TAF3: variants seen among roughly 807,000 people sequenced by gnomAD.
TAF3 encodes transcription initiation factor TFIID subunit 3.
In TAF3, 7 loss-of-function variants were observed where a neutral mutation model predicts 80.6. That is an observed-to-expected ratio of 0.09 (90% CI 0.05 to 0.16). The LOEUF is 0.16. Ranked by LOEUF, TAF3 falls within the 10% of genes least tolerant of loss-of-function variation. The pLI is 1.00. For missense variants in TAF3, 921 were observed against 1,140.2 expected, an observed-to-expected ratio of 0.81 and a Z score of 2.77; for synonymous variants, 444 against 446.1, an observed-to-expected ratio of 1.00 and a Z score of 0.06.
At chr10:7,950,400 C>G (rs1588563072) in intron 2 of TAF3, among the ~76,000 whole-genome samples, 1 of 152,044 alleles carries the variant, frequency 6.6e-6, no homozygotes, top group East Asian at 1.9e-4. Context: ...GTGTCTCGAG[C>G]AGAAAGTTCC....
intron 4 of TAF3, among the ~76,000 whole-genome samples, chr10:7,984,057 T>C (rs950824172): frequency 7.9e-5 from 12 of 152,014 alleles, no homozygotes; most frequent in African/African-American, 2.4e-4. Flanking sequence ...GCAACAAAGG[T>C]TGTGAGTTTG....
intron 4 of TAF3, among the ~76,000 whole-genome samples, chr10:7,978,548 C>T (rs1225652264): frequency 2.0e-5 from 3 of 152,148 alleles, no homozygotes. Context: ...CTAGGAAATG[C>T]AGCAAAAATC....
intron 2 of TAF3, among the ~76,000 whole-genome samples, chr10:7,921,615 A>C (rs1306706938): frequency 1.3e-5 from 2 of 152,176 alleles, no homozygotes; most frequent in Non-Finnish European, 2.9e-5. Flanking sequence ...ATTTGTGTGA[A>C]TCTATATTGA....
chr10:7,981,070 C>A (rs1831721199), intron 4 of TAF3, among the ~76,000 whole-genome samples: 1 of 152,154 alleles, frequency 6.6e-6, no homozygotes, highest in African/African-American at 2.4e-5. Flanking sequence ...TTCTATAAAG[C>A]TCAAATTCAG....
At chr10:7,953,214 G>A (rs533307743) in intron 2 of TAF3, among the ~76,000 whole-genome samples, 13 of 152,286 alleles carry the variant, frequency 8.5e-5, no homozygotes, top group African/African-American at 2.4e-4. Context: ...TCAAAAAGTA[G>A]GGTAGAGTTG....
chr10:7,843,421 T>A (rs1836938755), intron 2 of TAF3, among the ~76,000 whole-genome samples: 1 of 152,220 alleles, frequency 6.6e-6, no homozygotes, highest in Non-Finnish European at 1.5e-5. Context: ...CAGTCATCTT[T>A]TAAATGTCTG....
chr10:7,908,737 A>G (rs1156473471), intron 2 of TAF3, among the ~76,000 whole-genome samples: 10 of 152,236 alleles, frequency 6.6e-5, no homozygotes, highest in African/African-American at 2.4e-4. Flanking sequence ...TTCTTCAACA[A>G]ACGTTTACAG....
At chr10:7,910,533 A>G (rs1467178460) in intron 2 of TAF3, among the ~76,000 whole-genome samples, 1 of 152,108 alleles carries the variant, frequency 6.6e-6, no homozygotes, top group Admixed American at 6.6e-5. Flanking sequence ...GGTGCCCGCC[A>G]TCACGCCTGG....
intron 3 of TAF3, among the ~76,000 whole-genome samples, chr10:7,972,943 T>TAAGC (rs1831635052): frequency 6.6e-6 from 1 of 152,184 alleles, no homozygotes; most frequent in African/African-American, 2.4e-5. Flanking sequence ...TAGCTCCATG[T>TAAGC]AAGCCATCAA....
intron 2 of TAF3, among the ~76,000 whole-genome samples, chr10:7,896,459 C>T (rs1588542834): frequency 6.6e-6 from 1 of 152,300 alleles, no homozygotes; most frequent in South Asian, 2.1e-4. Flanking sequence ...TTGTCACCAG[C>T]CACTTCCTGC....
chr10:7,956,187 A>G (rs563505883), intron 2 of TAF3, among the ~76,000 whole-genome samples: 11 of 152,278 alleles, frequency 7.2e-5, no homozygotes, highest in Non-Finnish European at 1.5e-4. Context: ...AAATTATTTC[A>G]AATTTAAAAA....
intron 2 of TAF3, among the ~76,000 whole-genome samples, chr10:7,919,648 T>C (rs1186695296): frequency 6.6e-6 from 1 of 152,204 alleles, no homozygotes; most frequent in Non-Finnish European, 1.5e-5. Context: ...AGTATTTTCA[T>C]ATAACCTACA....
chr10:7,897,472 T>C (rs1028394672), intron 2 of TAF3, among the ~76,000 whole-genome samples: 1 of 152,222 alleles, frequency 6.6e-6, no homozygotes, highest in Non-Finnish European at 1.5e-5. Context: ...GATTCTTCTC[T>C]TTATAGCCAT....
At chr10:7,979,496 G>A (rs1227886276) in intron 4 of TAF3, among the ~76,000 whole-genome samples, 1 of 152,066 alleles carries the variant, frequency 6.6e-6, no homozygotes, top group Non-Finnish European at 1.5e-5. Flanking sequence ...TGAAAGATAT[G>A]AGAAATCCTA....
chr10:8,003,206 T>TTC (rs200659533), intron 4 of TAF3, among the ~76,000 whole-genome samples: 6 of 152,178 alleles, frequency 3.9e-5, no homozygotes, highest in East Asian at 3.9e-4. Flanking sequence ...GTGGTTTTTT[T>TTC]TCTCTCTCTC....
chr10:7,859,285 A>C (rs1050888476), intron 2 of TAF3, among the ~76,000 whole-genome samples: 2 of 142,334 alleles, frequency 1.4e-5, no homozygotes, highest in Non-Finnish European at 3.0e-5. Context: ...TAAATAAATA[A>C]ATAAATAAAT....
At chr10:7,843,368 T>C (rs1836938102) in intron 2 of TAF3, among the ~76,000 whole-genome samples, 1 of 151,928 alleles carries the variant, frequency 6.6e-6, no homozygotes, top group African/African-American at 2.4e-5. Context: ...CTCAGCCTCC[T>C]AAAGTGGTGG....
intron 2 of TAF3, among the ~76,000 whole-genome samples, chr10:7,887,124 A>G (rs1029640714): frequency 6.6e-6 from 1 of 151,678 alleles, no homozygotes; most frequent in African/African-American, 2.4e-5. Context: ...AGTCCCAGCT[A>G]CTCGGGAGAC....
At chr10:7,834,288 T>TA (rs1836829525) in intron 2 of TAF3, among the ~76,000 whole-genome samples, 1 of 152,246 alleles carries the variant, frequency 6.6e-6, no homozygotes, top group African/African-American at 2.4e-5. Context: ...ACCAGTGTCT[T>TA]ACAGTTTTTC....
Sources: allele counts gnomAD v4.1 joint callset (sites outside exome capture counted in the v4.1 genomes callset), GRCh38; gene constraint gnomAD v4.1.1; transcripts MANE v1.5; gene names NCBI Gene and HGNC (gene_info 2026-07-23, HGNC 2026-07-21).